PPFIA2: variants seen among roughly 807,000 people sequenced by gnomAD.
PPFIA2 encodes the protein PPFI scaffold protein A2, also known as liprin-alpha-2.
PPFIA2 carries 46 observed loss-of-function variants against 175.5 expected under a neutral mutation model. The ratio of observed to expected loss-of-function variants is 0.26; its 90% CI spans 0.21 to 0.34. The LOEUF (loss-of-function observed/expected upper bound fraction) is 0.34. Among genes scored for constraint, PPFIA2 ranks in the 10% least tolerant of loss-of-function variants. PPFIA2 has a pLI of 1.00. For synonymous variants in PPFIA2, 568 were observed against 511.4 expected (o/e 1.11, Z -1.49); for missense variants, 1,179 against 1,506.1 (o/e 0.78, Z 3.60).
chr12:81,559,244 A>G (rs2069460051), intron 4 of PPFIA2, among the ~76,000 whole-genome samples: 1 of 152,222 alleles, frequency 6.6e-6, no homozygotes, highest in African/African-American at 2.4e-5. Context: ...CTTGATGCTC[A>G]TTATTAAAAA....
At chr12:81,417,717 G>A (rs1405155347) in intron 7 of PPFIA2, among the ~76,000 whole-genome samples, 3 of 151,562 alleles carry the variant, frequency 2.0e-5, no homozygotes, top group African/African-American at 7.3e-5. Context: ...TTATTTTTAT[G>A]TGATTTTTAA....
At chr12:81,404,020 G>A (rs915393781) in intron 8 of PPFIA2, among the ~76,000 whole-genome samples, 1 of 152,012 alleles carries the variant, frequency 6.6e-6, no homozygotes, top group African/African-American at 2.4e-5. Context: ...TTTGCCTCAT[G>A]CCCCACAGTC....
At chr12:81,653,444 G>T (rs1271262048) in intron 4 of PPFIA2, among the ~76,000 whole-genome samples, 1 of 152,046 alleles carries the variant, frequency 6.6e-6, no homozygotes, top group Non-Finnish European at 1.5e-5. Flanking sequence ...CAGTAGATTT[G>T]TTTCCTTCTA....
At chr12:81,298,075 G>T (rs140699246) in intron 23 of PPFIA2, 1 of 151,880 alleles carries the variant, frequency 6.6e-6, no homozygotes, top group Admixed American at 6.6e-5. Flanking sequence ...TTTGTTCGTC[G>T]CTTGCCAAAA....
intron 4 of PPFIA2, among the ~76,000 whole-genome samples, chr12:81,488,102 G>C (rs948411725): frequency 6.6e-6 from 1 of 151,980 alleles, no homozygotes; most frequent in African/African-American, 2.4e-5. Context: ...ATACATAACA[G>C]TTAGGGAGGT....
At chr12:81,490,719 A>G (rs1413861712) in intron 4 of PPFIA2, among the ~76,000 whole-genome samples, 3 of 151,880 alleles carry the variant, frequency 2.0e-5, no homozygotes, top group African/African-American at 7.2e-5. Context: ...CCATTCCAGC[A>G]CACTGTTTTC....
At chr12:81,688,889 C>T (rs2074850320) in intron 3 of PPFIA2, among the ~76,000 whole-genome samples, 1 of 150,138 alleles carries the variant, frequency 6.7e-6, no homozygotes, top group Non-Finnish European at 1.5e-5. Flanking sequence ...AACCGTATCT[C>T]TCCCTTACTG....
chr12:81,334,719 A>T (rs1342302700), intron 21 of PPFIA2, among the ~76,000 whole-genome samples: 1 of 152,198 alleles, frequency 6.6e-6, no homozygotes, highest in Non-Finnish European at 1.5e-5. Context: ...AGATTCTATA[A>T]TTCTCACTTT....
intron 4 of PPFIA2, among the ~76,000 whole-genome samples, chr12:81,536,703 T>C (rs1167175216): frequency 6.9e-6 from 1 of 144,154 alleles, no homozygotes; most frequent in Non-Finnish European, 1.5e-5. Context: ...TATATATATA[T>C]AGCATGTAAT....
In PPFIA2 at chr12:81,642,793, GTATATGTATGTATGTATTACATACATGTA is replaced by G. The variant is rs1567690095; in HGVS notation, c.303+33969_303+33997del. On this transcript the variant is annotated intron_variant, in intron 4 of 32. Coordinates refer to ENST00000549396, the MANE Select transcript of PPFIA2 (RefSeq NM_003625.5). The stretch of plus-strand genomic sequence containing the variant: ...GTATGTATGTATTATATACATACAT[GTATATGTATGTATGTATTACATACATGTA>G]TATGTATGTATGTATTACATACATA... Among the ~76,000 whole-genome samples, 12 of 34,228 alleles carry G rather than the reference GTATATGTATGTATGTATTACATACATGTA, an allele frequency of 3.5e-4. 2 individuals are homozygous for G. The highest frequency in any genetic ancestry group is 1.4e-3 in the African/African-American group (12 of 8,706). The allele number at this position is 34,228 out of a possible 152,430, so 22.5% of individuals were successfully genotyped here.
chr12:81,644,476 T>A (rs995686839), intron 4 of PPFIA2, among the ~76,000 whole-genome samples: 2 of 152,032 alleles, frequency 1.3e-5, no homozygotes, highest in Non-Finnish European at 2.9e-5. Context: ...TTAATACTTA[T>A]AAAAAAGTAA....
chr12:81,737,899 G>A (rs955506972), intron 3 of PPFIA2, among the ~76,000 whole-genome samples: 1 of 151,646 alleles, frequency 6.6e-6, no homozygotes, highest in African/African-American at 2.4e-5. Context: ...CATATAGGAA[G>A]TGGCATTCCA....
chr12:81,486,090 CAT>C (rs1169462153), intron 4 of PPFIA2, among the ~76,000 whole-genome samples: 13 of 151,946 alleles, frequency 8.6e-5, no homozygotes, highest in South Asian at 2.1e-4. Context: ...AAATGTAACA[CAT>C]AGGATTAATA....
In PPFIA2 at chr12:81,405,780, G is replaced by A; in HGVS notation, c.762+7C>T. 6.7e-7 allele frequency: 1 copy of A among 1,490,146 alleles called. No homozygotes were observed. Among genetic ancestry groups the A allele is most frequent in the Non-Finnish European group, 9.2e-7 (1 of 1,090,590 alleles). 92.3% of individuals were successfully genotyped at this position (1,490,146 alleles called of 1,614,324 possible). ...TTCCATGTAAGAGCATGTGGGGTGT[G>A]TCATACCTTCTCATGGACTTTCTGT... On this transcript the variant is annotated splice_region_variant and intron_variant, in intron 8 of 32. Coordinates refer to ENST00000549396, the MANE Select transcript of PPFIA2 (RefSeq NM_003625.5).
intron 3 of PPFIA2, chr12:81,687,679 T>C (rs1011591164): frequency 1.3e-5 from 2 of 152,080 alleles, no homozygotes; most frequent in African/African-American, 4.8e-5. Flanking sequence ...TGTGTGACCT[T>C]AGGCTAATTG....
intron 7 of PPFIA2, among the ~76,000 whole-genome samples, chr12:81,413,255 T>C (rs2044324692): frequency 1.3e-5 from 2 of 151,620 alleles, no homozygotes; most frequent in African/African-American, 4.8e-5. Flanking sequence ...AAAAAAATGA[T>C]GACAGGCTAC....
chr12:81,456,659 G>T (rs764868484), intron 5 of PPFIA2, among the ~76,000 whole-genome samples: 31 of 152,106 alleles, frequency 2.0e-4, no homozygotes, highest in Non-Finnish European at 1.2e-4. Context: ...CATCCACATA[G>T]AAGTGGTTTT....
At chr12:81,317,511 T>TA (rs2052676372) in intron 22 of PPFIA2, among the ~76,000 whole-genome samples, 1 of 1,036 alleles carries the variant, frequency 9.7e-4, no homozygotes, top group Non-Finnish European at 5.0e-3. Flanking sequence ...ATTTGAGAGA[T>TA]TTTTTTTAAA....
Position 81,373,043 on chromosome 12 carries a change from G to T in PPFIA2, c.1266+1591C>A, listed in dbSNP as rs182966254. On this transcript the variant is annotated intron_variant, in intron 11 of 32. Coordinates refer to ENST00000549396, the MANE Select transcript of PPFIA2 (RefSeq NM_003625.5). ...TATATTCTAAATCAATAATTCTTGG[G>T]AGTATTTAATATAGTGTTTTTTATG... 5.4e-4 allele frequency among the ~76,000 whole-genome samples: 82 copies of T among 151,738 alleles called. 1 individual carries two copies. The highest frequency in any genetic ancestry group is 2.0e-3 in the African/African-American group (81 of 41,454).
Sources: gnomAD v4.1 joint callset for allele counts (sites outside exome capture counted in the v4.1 genomes callset) on GRCh38, gnomAD v4.1.1 for gene constraint, MANE v1.5 for transcripts, NCBI Gene and HGNC (gene_info 2026-07-23, HGNC 2026-07-21) for gene names.